Variants in COPA observed in about 807,000 individuals in gnomAD.
The protein encoded by COPA is coatomer subunit alpha.
A neutral mutation model predicts 158.7 loss-of-function variants in COPA; 10 were observed. The ratio of observed to expected loss-of-function variants is 0.06; its 90% CI spans 0.04 to 0.11. The LOEUF (loss-of-function observed/expected upper bound fraction) is 0.11. Among genes scored for constraint, COPA ranks in the 10% least tolerant of loss-of-function variants. COPA has a pLI of 1.00. For missense variants in COPA, 1,065 were observed against 1,536.7 expected (o/e 0.69, Z 5.13); for synonymous variants, 462 against 542.8 (o/e 0.85, Z 2.07).
At chr1:160,337,811 A>G (rs1331829949) in intron 3 of COPA, among the ~76,000 whole-genome samples, 1 of 151,626 alleles carries the variant, frequency 6.6e-6, no homozygotes, top group Non-Finnish European at 1.5e-5. Flanking sequence ...CTAATAAAGA[A>G]TTCCTTTGTT....
At chr1:160,309,079 G>A (rs756197501) in intron 13 of COPA, 22 bp downstream of exon 13, 1 of 1,594,496 alleles carries the variant, frequency 6.3e-7, no homozygotes, top group South Asian at 1.1e-5. Context: ...AGCAGAGTGG[G>A]GTAGACAAAA....
intron 19 of COPA, 133 bp from the exon 20 acceptor site, chr1:160,297,878 G>A: frequency 4.9e-6 from 5 of 1,010,936 alleles, no homozygotes; most frequent in African/African-American, 1.6e-5. Flanking sequence ...CTAGCTTTTA[G>A]TCTAATTCCA....
intron 17 of COPA, among the ~76,000 whole-genome samples, chr1:160,300,356 TAAA>T (rs1478241317): frequency 5.6e-5 from 8 of 142,362 alleles, no homozygotes; most frequent in South Asian, 4.3e-4. Flanking sequence ...AATAAATAAA[TAAA>T]TAAATAAATA....
chr1:160,294,416 A>C, intron 25 of COPA, 68 bp downstream of exon 25: 1 of 1,345,252 alleles, frequency 7.4e-7, no homozygotes, highest in Admixed American at 1.7e-5. Context: ...GTGGTAGGGG[A>C]CAATAAGGCC....
In COPA at chr1:160,340,214, A is replaced by G. The variant is rs200362589; in HGVS notation, c.121T>C (p.Cys41Arg). The change falls in exon 2 of 33, where the codon TGC (cysteine) becomes CGC (arginine). Residue 41 changes from cysteine (C) to arginine (R), a missense_variant. Coordinates refer to ENST00000241704, the MANE Select transcript of COPA (RefSeq NM_004371.4). ...GVIQLWDYRM[C>R]TLIDKFDEHD... ...TCATCAAACTTGTCAATGAGAGTGC[A>G]CATCCGATAGTCCCATAACTGGATG... The G allele has an allele frequency of 6.2e-7, 1 of 1,613,680 alleles. No homozygotes were observed. The highest frequency in any genetic ancestry group is 1.1e-5 in the South Asian group (1 of 91,080).
chr1:160,308,974 G>T, intron 13 of COPA, 127 bp downstream of exon 13: 1 of 716,402 alleles, frequency 1.4e-6, no homozygotes, highest in Non-Finnish European at 2.4e-6. Context: ...ATTGTCAGCA[G>T]CACCTGCCAA....
At chr1:160,333,214 G>T (rs770666345) in intron 5 of COPA, among the ~76,000 whole-genome samples, 3 of 152,200 alleles carry the variant, frequency 2.0e-5, no homozygotes, top group African/African-American at 4.8e-5. Context: ...ATGAGCCATG[G>T]CGCCGGGCCA....
intron 6 of COPA, among the ~76,000 whole-genome samples, chr1:160,326,459 G>A (rs1659495167): frequency 6.6e-6 from 1 of 152,200 alleles, no homozygotes; most frequent in Admixed American, 6.5e-5. Context: ...AGCCCAGGAA[G>A]TCGAGGCTGC....
intron 8 of COPA, among the ~76,000 whole-genome samples, chr1:160,322,553 G>A (rs1048574213): frequency 6.6e-6 from 1 of 152,096 alleles, no homozygotes; most frequent in Non-Finnish European, 1.5e-5. Context: ...TCAGAGAAAT[G>A]CAAATCAATG....
rs750360211 is a variant in COPA at position 160,324,285 on chromosome 1, C to CT, written c.607-756dup. ...TTACTAAGACTTTGTCTTCTTCATTCTTTTTTTTTTTTTTTTTTTTTTTAA... is the reference window on the plus strand; with the variant it reads ...TTACTAAGACTTTGTCTTCTTCATTCTTTTTTTTTTTTTTTTTTTTTTTTAA... On this transcript the variant is annotated intron_variant, in intron 7 of 32. Transcript: ENST00000241704. 8.3e-3 allele frequency among the ~76,000 whole-genome samples: 852 copies of CT among 102,374 alleles called. 8 individuals carry two copies. The highest frequency in any genetic ancestry group is 0.014 in the African/African-American group (386 of 28,038). The allele number at this position is 102,374 out of a possible 152,430, so 67.2% of individuals were successfully genotyped here. A position where few individuals can be genotyped will look rare whatever the true frequency, so the allele number is the denominator to read the frequency against.
intron 18 of COPA, 32 bp from the exon 19 acceptor site, chr1:160,299,023 T>C (rs754233958): frequency 1.2e-5 from 19 of 1,609,640 alleles, no homozygotes; most frequent in Admixed American, 5.0e-5. Context: ...GGGCAAGAAG[T>C]AGACATCACT....
At chr1:160,342,174 G>GA (rs1648100387) in intron 1 of COPA, among the ~76,000 whole-genome samples, 2 of 152,142 alleles carry the variant, frequency 1.3e-5, no homozygotes, top group South Asian at 4.1e-4. Context: ...TACAGATGAG[G>GA]AAATACAGAC....
chr1:160,337,769 C>CCCA (rs1050724298), intron 3 of COPA, among the ~76,000 whole-genome samples: 8 of 150,690 alleles, frequency 5.3e-5, no homozygotes, highest in African/African-American at 1.9e-4. Flanking sequence ...ACCAAAAAAA[C>CCCA]CCACCAAATG....
chr1:160,314,162 T>C, intron 8 of COPA, 37 bp from the exon 9 acceptor site: 1 of 1,594,742 alleles, frequency 6.3e-7, no homozygotes, highest in South Asian at 1.1e-5. Flanking sequence ...CACAATTCCC[T>C]ACTACTATAA....
In COPA at chr1:160,290,643, G is replaced by A; in HGVS notation, c.3464C>T (p.Ala1155Val). ...GTGCATGTCATAATTGAGCTGGTAG[G>A]CATCTGTGGGATTCTTCTCACAGGC... ...LSACEKNPTD[A>V]YQLNYDMHNP... is the part of the protein sequence containing the mutation. The change falls in exon 32 of 33, where the codon GCC (alanine) becomes GTC (valine). Residue 1155 changes from alanine to valine, a missense_variant. Around this residue, in one of 2 missense-constraint regions of COPA, gnomAD observed 980 missense variants for 1,357.8 expected, o/e 0.72. Coordinates refer to ENST00000241704, the MANE Select transcript of COPA (RefSeq NM_004371.4). 1 of 1,614,168 alleles carries A rather than the reference G, an allele frequency of 6.2e-7. No individual in the cohort carries two copies. Among genetic ancestry groups the A allele is most frequent in the South Asian group, 1.1e-5 (1 of 91,084 alleles).
intron 23 of COPA, 149 bp downstream of exon 23, chr1:160,295,587 G>T: frequency 1.2e-6 from 1 of 859,146 alleles, no homozygotes; most frequent in Non-Finnish European, 1.6e-6. Context: ...AAGTTTTTAA[G>T]ACTGCACCAT....
At chr1:160,304,729 T>A (rs1434526091) in intron 17 of COPA, among the ~76,000 whole-genome samples, 1 of 152,192 alleles carries the variant, frequency 6.6e-6, no homozygotes, top group Non-Finnish European at 1.5e-5. Context: ...CTAGCAATTC[T>A]ATTCTGGGGA....
At chr1:160,317,996 A>AT (rs1416098515) in intron 8 of COPA, among the ~76,000 whole-genome samples, 1 of 152,214 alleles carries the variant, frequency 6.6e-6, no homozygotes, top group African/African-American at 2.4e-5. Context: ...GTGGTGATAA[A>AT]TAAGATTGAC....
intron 3 of COPA, chr1:160,339,624 T>G: frequency 3.4e-6 from 1 of 298,394 alleles, no homozygotes; most frequent in Non-Finnish European, 6.4e-6. Context: ...CTTACCAAAC[T>G]GTACATGCTA....
Sources: allele counts gnomAD v4.1 joint callset (sites outside exome capture counted in the v4.1 genomes callset), GRCh38; gene constraint gnomAD v4.1.1; regional missense constraint gnomAD v4.1.1; transcripts MANE v1.5; gene names NCBI Gene and HGNC (gene_info 2026-07-23, HGNC 2026-07-21).